Variants in COBL observed in about 807,000 individuals in gnomAD.
COBL encodes cordon-bleu WH2 repeat protein.
In COBL, 51 loss-of-function variants were observed where a neutral mutation model predicts 98.8. The ratio of observed to expected loss-of-function variants is 0.52; its 90% CI spans 0.41 to 0.65. COBL has a LOEUF of 0.65. Ranked by LOEUF, COBL falls within the 30% of genes least tolerant of loss-of-function variation. The pLI is 0.00. For synonymous variants in COBL, 634 were observed against 651.7 expected (o/e 0.97, Z 0.41); for missense variants, 1,617 against 1,617.5 (o/e 1.00, Z 0.01).
At chr7:51,133,592 C>T (rs1164565047) in intron 6 of COBL, among the ~76,000 whole-genome samples, 2 of 152,136 alleles carry the variant, frequency 1.3e-5, no homozygotes, top group Non-Finnish European at 2.9e-5. Flanking sequence ...TGATCTGATG[C>T]CCGCTCAAGT....
intron 1 of COBL, among the ~76,000 whole-genome samples, chr7:51,301,397 G>A (rs1359050818): frequency 6.6e-6 from 1 of 152,142 alleles, no homozygotes; most frequent in Non-Finnish European, 1.5e-5. Context: ...GAACTGCCTG[G>A]GCCCCCATCA....
intron 2 of COBL, among the ~76,000 whole-genome samples, chr7:51,206,009 T>C (rs1791662111): frequency 6.6e-6 from 1 of 152,174 alleles, no homozygotes; most frequent in Admixed American, 6.5e-5. Flanking sequence ...CCTGTTAGAA[T>C]GGCAATTTTA....
chr7:51,207,304 A>G (rs1402744859), intron 2 of COBL, among the ~76,000 whole-genome samples: 1 of 152,092 alleles, frequency 6.6e-6, no homozygotes, highest in Non-Finnish European at 1.5e-5. Context: ...TAATTTAACA[A>G]GCGATTACAG....
At chr7:51,316,446 A>T (rs1803604371) in intron 1 of COBL, 147 bp downstream of exon 1, 1 of 520,104 alleles carries the variant, frequency 1.9e-6, no homozygotes, top group Non-Finnish European at 2.8e-6. Context: ...ACCCAACACC[A>T]GCACCGCACC....
intron 1 of COBL, among the ~76,000 whole-genome samples, chr7:51,243,850 C>T (rs1187439651): frequency 6.6e-6 from 1 of 151,134 alleles, no homozygotes; most frequent in African/African-American, 2.4e-5. Context: ...TGAGGACGTG[C>T]ACGTGGCGGG....
At chr7:51,151,917 T>A (rs1301754395) in intron 5 of COBL, among the ~76,000 whole-genome samples, 1 of 152,216 alleles carries the variant, frequency 6.6e-6, no homozygotes, top group African/African-American at 2.4e-5. Flanking sequence ...GCCAGCACCC[T>A]CAGCCGCCTG....
At chr7:51,071,310 A>C (rs1335919175) in intron 7 of COBL, 1 of 152,228 alleles carries the variant, frequency 6.6e-6, no homozygotes, top group Non-Finnish European at 1.5e-5. Context: ...TAATTAATTT[A>C]TCTGATTCTT....
Position 51,028,766 on chromosome 7 carries a change from T to C in COBL, c.2330A>G (p.Glu777Gly), listed in dbSNP as rs755748486. 1 of 1,614,072 alleles carries C rather than the reference T, an allele frequency of 6.2e-7. No individual in the cohort carries two copies. The change falls in exon 10 of 13, where the codon GAA becomes GGA. Residue 777 changes from glutamate (E) to glycine (G), a missense_variant. Transcript: ENST00000265136. Reference protein sequence around the residue: ...VREFWRCNSVEKHLGRPSESS... With the variant: ...VREFWRCNSVGKHLGRPSESS... Reference sequence around the variant, plus strand: ...CTCTGAGGGTCGGCCCAGGTGTTTTTCCACAGAGTTGCACCTCCAGAACTC... The same window carrying C: ...CTCTGAGGGTCGGCCCAGGTGTTTTCCCACAGAGTTGCACCTCCAGAACTC...
At position 51,177,548 on chromosome 7, in the gene COBL, C is replaced by A. The variant is rs190725689; in HGVS notation, c.783+6554G>T. The stretch of plus-strand genomic sequence containing the variant: ...CAGCACTCTGGGGGGCTGAGGCGGG[C>A]AGATCACCTGAGGTCAGGAGTTCGA... On this transcript the variant is annotated intron_variant, in intron 5 of 12. Transcript: ENST00000265136. 3.1e-3 allele frequency among the ~76,000 whole-genome samples: 470 copies of A among 151,846 alleles called. 2 individuals carry two copies. Among genetic ancestry groups the A allele is most frequent in the African/African-American group, 0.011 (439 of 41,472 alleles).
intron 1 of COBL, among the ~76,000 whole-genome samples, chr7:51,257,549 T>C (rs1482487155): frequency 6.6e-6 from 1 of 152,244 alleles, no homozygotes; most frequent in African/African-American, 2.4e-5. Flanking sequence ...TCATTCTGCA[T>C]AAGAAAGTAG....
chr7:51,196,657 CT>C (rs925735721), intron 2 of COBL, among the ~76,000 whole-genome samples: 7 of 150,326 alleles, frequency 4.7e-5, no homozygotes, highest in South Asian at 2.1e-4. Context: ...TTTTTCTTTT[CT>C]TTTTTTTTGG....
chr7:51,308,308 C>G (rs921982648), intron 1 of COBL, among the ~76,000 whole-genome samples: 1 of 152,158 alleles, frequency 6.6e-6, no homozygotes, highest in Non-Finnish European at 1.5e-5. Context: ...AATACAACTC[C>G]CAAGCCATTA....
chr7:51,027,479 T>A (rs1164593276), intron 10 of COBL, among the ~76,000 whole-genome samples: 4 of 152,228 alleles, frequency 2.6e-5, no homozygotes, highest in African/African-American at 9.6e-5. Context: ...GCCAGGGGCC[T>A]GAAGTCAGTG....
rs1381043765 is a variant in COBL at position 51,065,220 on chromosome 7, GTGTC to G, written c.1096+19942_1096+19945del. On this transcript the variant is annotated intron_variant, in intron 7 of 12. Coordinates refer to ENST00000265136, the MANE Select transcript of COBL (RefSeq NM_015198.5). ...ATGGGTTGTGTGTGTGTGCGTGTGT[GTGTC>G]TAAGTGTGCACATGCATTCACAAAT... The G allele has an allele frequency of 7.1e-6, 5 of 703,436 alleles. No homozygotes were observed. In the Admixed American group the frequency reaches 8.0e-5, roughly 11 times the overall value. 43.6% of individuals were successfully genotyped at this position (703,436 alleles called of 1,614,324 possible). A position where few individuals can be genotyped will look rare whatever the true frequency, so the allele number is the denominator to read the frequency against.
chr7:51,218,510 G>A (rs1460560144), intron 2 of COBL, among the ~76,000 whole-genome samples: 2 of 152,074 alleles, frequency 1.3e-5, no homozygotes, highest in East Asian at 1.9e-4. Flanking sequence ...AGTTTCACTC[G>A]TTGCCCAGGC....
intron 7 of COBL, among the ~76,000 whole-genome samples, chr7:51,065,785 T>C (rs1284525650): frequency 2.0e-5 from 3 of 152,252 alleles, no homozygotes; most frequent in Admixed American, 2.0e-4. Flanking sequence ...CTTCAGAATG[T>C]AACATTATTA....
rs535364771 is a variant in COBL at position 51,250,076 on chromosome 7, T to G, written c.42-30132A>C. Among the ~76,000 whole-genome samples the G allele has an allele frequency of 8.6e-5, 13 of 151,714 alleles. No individual in the cohort carries two copies. In the South Asian group the frequency reaches 2.5e-3, roughly 29 times the overall value. On this transcript the variant is annotated intron_variant, in intron 1 of 12. Transcript: ENST00000265136. ...AAGATCGCACCACTGCACTCCAGCC[T>G]GGGCAACACAGTGAGACTCCATTTC...
chr7:51,161,251 G>A (rs941790812), intron 5 of COBL, among the ~76,000 whole-genome samples: 20 of 152,210 alleles, frequency 1.3e-4, no homozygotes, highest in African/African-American at 4.1e-4. Flanking sequence ...GCTTTGGGCC[G>A]CATTTGCAAG....
At chr7:51,087,241 A>T (rs931950457) in intron 6 of COBL, among the ~76,000 whole-genome samples, 4 of 152,136 alleles carry the variant, frequency 2.6e-5, no homozygotes, top group African/African-American at 9.7e-5. Flanking sequence ...ATTTAGTTAT[A>T]TATATTTAGT....
Sources: gnomAD v4.1 joint callset for allele counts (sites outside exome capture counted in the v4.1 genomes callset) on GRCh38, gnomAD v4.1.1 for gene constraint, MANE v1.5 for transcripts, NCBI Gene and HGNC (gene_info 2026-07-23, HGNC 2026-07-21) for gene names.